Variants in MID2 observed in about 807,000 individuals in gnomAD.
MID2 encodes the protein probable E3 ubiquitin-protein ligase MID2.
Under a neutral mutation model 46.1 loss-of-function variants are expected in MID2, and 13 were observed. That is an observed-to-expected ratio of 0.28 (90% CI 0.18 to 0.45). The LOEUF is 0.45. Among genes scored for constraint, MID2 ranks in the 20% least tolerant of loss-of-function variants. The probability of loss-of-function intolerance (pLI) is 1.00; values close to 1 mark genes in which losing one functional copy is unlikely to be tolerated. For synonymous variants in MID2, 199 were observed against 212.3 expected (o/e 0.94, Z 0.55); for missense variants, 431 against 575.4 (o/e 0.75, Z 2.57).
intron 3 of MID2, among the ~76,000 whole-genome samples, chrX:107,893,111 G>C (rs1932639164): frequency 8.9e-6 from 1 of 112,755 alleles, no homozygotes; most frequent in Non-Finnish European, 1.9e-5. Flanking sequence ...ATCCTCCATG[G>C]TAAGAGTGAT....
At chrX:107,826,554 C>A in intron 1 of MID2, 124 bp downstream of exon 1, 1 of 863,046 alleles carries the variant, frequency 1.2e-6, no homozygotes, top group African/African-American at 2.1e-5. Context: ...GGCTCTCCGG[C>A]TCGGCGAGGC....
intron 3 of MID2, among the ~76,000 whole-genome samples, chrX:107,861,055 G>A (rs1273213563): frequency 9.0e-6 from 1 of 111,453 alleles, no homozygotes; most frequent in African/African-American, 3.3e-5. Flanking sequence ...TTGTGAGGAT[G>A]ACTTGTAGTG....
intron 3 of MID2, among the ~76,000 whole-genome samples, chrX:107,882,343 A>G (rs1258931759): frequency 8.9e-6 from 1 of 111,986 alleles, no homozygotes; most frequent in African/African-American, 3.2e-5. Context: ...ACAAAAGCCA[A>G]AATTGACAAA....
At position 107,926,883 on chromosome X, in the gene MID2, C is replaced by G; in HGVS notation, c.2018C>G (p.Ser673Cys). The change falls in exon 10 of 10, where the codon TCT becomes TGT. Residue 673 changes from serine to cysteine, a missense_variant. By Grantham distance (112) the Ser-to-Cys change is moderately radical (BLOSUM62 -1). Coordinates refer to ENST00000262843, the MANE Select transcript of MID2 (RefSeq NM_012216.4). ...NMLSFYDPAN[S>C]LHLHTFDVTF... ...CTGTCTTTCTATGACCCAGCTAACTCTCTCCATCTTCATACTTTTGATGTG... is the reference window on the plus strand; with the variant it reads ...CTGTCTTTCTATGACCCAGCTAACTGTCTCCATCTTCATACTTTTGATGTG... 1 of 1,211,036 alleles carries G rather than the reference C, an allele frequency of 8.3e-7. No individual in the cohort carries two copies. Among genetic ancestry groups the G allele is most frequent in the Non-Finnish European group, 1.1e-6 (1 of 894,745 alleles).
chrX:107,878,085 A>T (rs1310506509), intron 3 of MID2, among the ~76,000 whole-genome samples: 6 of 111,153 alleles, frequency 5.4e-5, no homozygotes, highest in African/African-American at 2.0e-4. Flanking sequence ...TAATCACTGT[A>T]TTCTTCCCCC....
At chrX:107,897,659 A>C (rs1046951783) in intron 3 of MID2, among the ~76,000 whole-genome samples, 10 of 111,248 alleles carry the variant, frequency 9.0e-5, no homozygotes, top group African/African-American at 3.3e-4. Context: ...GGTGGTGATC[A>C]TGATGCTAGT....
Position 107,851,298 on chromosome X carries a change from A to G in MID2, c.721-3311A>G, listed in dbSNP as rs974274904. On this transcript the variant is annotated intron_variant, in intron 2 of 9. Transcript: ENST00000262843. The stretch of plus-strand genomic sequence containing the variant: ...ATACTCTAACCTCAGGATTTCACAA[A>G]TTCTTCCAAAACCCTACTGAAACAC... Among the ~76,000 whole-genome samples, 4 of 111,445 alleles carry G rather than the reference A, an allele frequency of 3.6e-5. No homozygotes were observed. The South Asian group carries it at 1.5e-3, about 42-fold the overall frequency.
chrX:107,900,257 T>A (rs1413302196), intron 3 of MID2, among the ~76,000 whole-genome samples: 3 of 111,503 alleles, frequency 2.7e-5, no homozygotes, highest in Non-Finnish European at 5.7e-5. Context: ...TGGAGTATAT[T>A]TTATAATGCT....
In MID2 at chrX:107,912,734, T is replaced by G. The variant is rs1932910320; in HGVS notation, c.1074-3268T>G. Among the ~76,000 whole-genome samples the G allele has an allele frequency of 2.7e-5, 3 of 111,256 alleles. No individual in the cohort carries two copies. The South Asian group carries it at 1.2e-3, about 43-fold the overall frequency. ...CTAGATGGTTATGATTCCCAACTCT[T>G]TATCTGAATCTTCTTTGCATAGGCT... On this transcript the variant is annotated intron_variant, in intron 5 of 9. Coordinates refer to ENST00000262843, the MANE Select transcript of MID2 (RefSeq NM_012216.4).
Position 107,928,041 on chromosome X carries a change from A to G in MID2, c.*968A>G, listed in dbSNP as rs1933216191. 9.0e-6 allele frequency among the ~76,000 whole-genome samples: 1 copy of G among 111,304 alleles called. No individual in the cohort carries two copies. The highest frequency in any genetic ancestry group is 1.9e-5 in the Non-Finnish European group (1 of 53,014). On this transcript the variant is annotated 3_prime_UTR_variant, in exon 10 of 10. Transcript: ENST00000262843. ...TCTGAATTGTTAAAAATTCTGTCAT[A>G]GACTATTAAAAAAAAAGTTTTACTA...
At chrX:107,880,983 T>C (rs931046822) in intron 3 of MID2, among the ~76,000 whole-genome samples, 1 of 113,103 alleles carries the variant, frequency 8.8e-6, no homozygotes, top group Non-Finnish European at 1.9e-5. Context: ...TTTCTATTTT[T>C]AAGGATATTT....
At chrX:107,845,517 A>ACTCT (rs1211921439) in intron 2 of MID2, among the ~76,000 whole-genome samples, 2 of 84,976 alleles carry the variant, frequency 2.4e-5, no homozygotes, top group African/African-American at 7.7e-5. Context: ...ACACACACAC[A>ACTCT]CACACACACT....
At chrX:107,912,621 T>C (rs1472907634) in intron 5 of MID2, among the ~76,000 whole-genome samples, 1 of 111,752 alleles carries the variant, frequency 8.9e-6, no homozygotes, top group Admixed American at 9.5e-5. Context: ...GCTATTGTTC[T>C]TTGTGATTGT....
chrX:107,899,707 A>G (rs1215512722), intron 3 of MID2, among the ~76,000 whole-genome samples: 6 of 110,523 alleles, frequency 5.4e-5, no homozygotes. Flanking sequence ...GTAGGTTGCC[A>G]AGATTGACCT....
At chrX:107,835,992 A>G (rs1931192813) in intron 1 of MID2, among the ~76,000 whole-genome samples, 1 of 111,985 alleles carries the variant, frequency 8.9e-6, no homozygotes, top group Non-Finnish European at 1.9e-5. Context: ...TTATAGTTTC[A>G]GCTCTTACAT....
chrX:107,898,605 G>C (rs929664376), intron 3 of MID2, among the ~76,000 whole-genome samples: 3 of 111,956 alleles, frequency 2.7e-5, no homozygotes, highest in Non-Finnish European at 5.6e-5. Context: ...GTCTCTACTA[G>C]ACTGTAAGTG....
chrX:107,842,560 A>G (rs1216330283), intron 2 of MID2, among the ~76,000 whole-genome samples: 1 of 112,164 alleles, frequency 8.9e-6, no homozygotes, highest in Non-Finnish European at 1.9e-5. Context: ...TGTAAAAAGT[A>G]TAATGTTGGT....
chrX:107,826,824 G>C (rs1208866656), intron 1 of MID2, among the ~76,000 whole-genome samples: 1 of 113,649 alleles, frequency 8.8e-6, no homozygotes, highest in African/African-American at 3.2e-5. Flanking sequence ...GCAGCCGGCA[G>C]CCTCCTCGGC....
At chrX:107,869,843 A>C (rs911946580) in intron 3 of MID2, among the ~76,000 whole-genome samples, 2 of 110,501 alleles carry the variant, frequency 1.8e-5, no homozygotes, top group Non-Finnish European at 1.9e-5. Flanking sequence ...TAAAAAAAAA[A>C]CCTAGAGTCT....
Sources: allele counts gnomAD v4.1 joint callset (sites outside exome capture counted in the v4.1 genomes callset), GRCh38; gene constraint gnomAD v4.1.1; transcripts MANE v1.5; gene names NCBI Gene and HGNC (gene_info 2026-07-23, HGNC 2026-07-21).